Variants in LRRC20 observed in about 807,000 individuals in gnomAD.
LRRC20 encodes the protein leucine-rich repeat-containing protein 20.
A neutral mutation model predicts 14.4 loss-of-function variants in LRRC20; 11 were observed. The ratio of observed to expected loss-of-function variants is 0.77; its 90% CI spans 0.48 to 1.27. LRRC20 has a LOEUF of 1.27. LRRC20 is among the 50% of genes most tolerant of loss of function. The probability of loss-of-function intolerance (pLI) is 0.00; values close to 1 mark genes in which losing one functional copy is unlikely to be tolerated. For missense variants in LRRC20, 219 were observed against 251.2 expected (o/e 0.87, Z 0.87); for synonymous variants, 121 against 107.3 (o/e 1.13, Z -0.79).
At chr10:70,337,227 G>C (rs1842748607) in intron 3 of LRRC20, among the ~76,000 whole-genome samples, 2 of 152,128 alleles carry the variant, frequency 1.3e-5, no homozygotes, top group African/African-American at 4.8e-5. Flanking sequence ...AGCTCAGCCA[G>C]GCCTATTTAA....
At chr10:70,369,289 C>A (rs1844167019) in intron 2 of LRRC20, among the ~76,000 whole-genome samples, 1 of 152,122 alleles carries the variant, frequency 6.6e-6, no homozygotes, top group Non-Finnish European at 1.5e-5. Flanking sequence ...ATCCCCACCC[C>A]CATCCCTCGG....
chr10:70,368,124 C>T (rs1211480296), intron 2 of LRRC20, among the ~76,000 whole-genome samples: 1 of 148,746 alleles, frequency 6.7e-6, no homozygotes, highest in Admixed American at 6.8e-5. Flanking sequence ...GCTGAGACTA[C>T]AGGCATGCAT....
At chr10:70,357,308 T>C (rs554083564) in intron 2 of LRRC20, among the ~76,000 whole-genome samples, 245 of 152,322 alleles carry the variant, frequency 1.6e-3, no homozygotes, top group Middle Eastern at 3.4e-3. Flanking sequence ...CTTGTGAATA[T>C]ACAAATAAAT....
intron 4 of LRRC20, among the ~76,000 whole-genome samples, chr10:70,311,619 G>A (rs902507038): frequency 6.6e-6 from 1 of 152,192 alleles, no homozygotes; most frequent in East Asian, 1.9e-4. Context: ...TAGAATGTAG[G>A]ATGTGAGGTT....
In LRRC20 at chr10:70,300,668, A is replaced by G; in HGVS notation, c.*686T>C. The G allele has an allele frequency of 1.0e-6, 1 of 985,630 alleles. No homozygotes were observed. 61.1% of individuals were successfully genotyped at this position (985,630 alleles called of 1,614,324 possible). On this transcript the variant is annotated 3_prime_UTR_variant, in exon 5 of 5. Transcript: ENST00000446961. ...CAATTTGTTAACTGTGGGGAATGAC[A>G]GAGCTGACGTGACTTGCTCCCCATT...
chr10:70,368,002 G>GTTATGTT (rs1279721419), intron 2 of LRRC20, among the ~76,000 whole-genome samples: 29 of 149,668 alleles, frequency 1.9e-4, no homozygotes, highest in East Asian at 3.9e-4. Flanking sequence ...GTTATTTTTT[G>GTTATGTT]AGATGGAGTC....
chr10:70,330,018 C>T (rs999109836), intron 3 of LRRC20, among the ~76,000 whole-genome samples: 9 of 152,190 alleles, frequency 5.9e-5, no homozygotes, highest in Admixed American at 5.9e-4. Flanking sequence ...GAGAATCTTT[C>T]CATCTGTGTT....
chr10:70,355,352 G>C (rs1162242395), intron 2 of LRRC20, among the ~76,000 whole-genome samples: 1 of 152,142 alleles, frequency 6.6e-6, no homozygotes, highest in Non-Finnish European at 1.5e-5. Context: ...GTCTTTGGGG[G>C]TGTTTTACTC....
At chr10:70,341,183 G>A (rs1372579563) in intron 2 of LRRC20, among the ~76,000 whole-genome samples, 8 of 152,192 alleles carry the variant, frequency 5.3e-5, no homozygotes, top group Non-Finnish European at 7.3e-5. Flanking sequence ...GGCAAGCCTC[G>A]TACAAGCAGC....
rs377622103 is a variant in LRRC20, at chr10:70,301,381, C to T, written c.528G>A (p.Pro176=). The T allele has an allele frequency of 5.7e-5, 92 of 1,613,610 alleles. No individual in the cohort carries two copies. Among genetic ancestry groups the T allele is most frequent in the African/African-American group, 2.3e-4 (17 of 75,070 alleles). ...AAGGTAGGGGGGCTCTTGCGCCTTC[C>T]GGAGACATGAGCATGTCAAACTTGA... The part of the protein sequence containing the change: ...PLIKFDMLMS[P]EGARAPLP Residue 176 remains proline (P), a synonymous_variant, in exon 5 of 5, where the codon CCG becomes CCA. Transcript: ENST00000446961.
At chr10:70,364,146 C>G (rs1843871633) in intron 2 of LRRC20, among the ~76,000 whole-genome samples, 2 of 152,198 alleles carry the variant, frequency 1.3e-5, no homozygotes, top group African/African-American at 4.8e-5. Flanking sequence ...CCTCAGGACT[C>G]GCCAGGCCAG....
chr10:70,343,540 A>G (rs918591243), intron 2 of LRRC20, among the ~76,000 whole-genome samples: 1 of 152,196 alleles, frequency 6.6e-6, no homozygotes, highest in Non-Finnish European at 1.5e-5. Flanking sequence ...GGCAGGAGAG[A>G]CTGCTAAATC....
intron 4 of LRRC20, among the ~76,000 whole-genome samples, chr10:70,321,418 G>A (rs186721614): frequency 6.6e-6 from 1 of 152,192 alleles, no homozygotes; most frequent in East Asian, 1.9e-4. Flanking sequence ...CTGCTGGTTT[G>A]GGAGTTGAGA....
intron 2 of LRRC20, among the ~76,000 whole-genome samples, chr10:70,347,110 T>G (rs1843101067): frequency 6.6e-6 from 1 of 152,200 alleles, no homozygotes. Context: ...GGTCTTGAAC[T>G]CCTGGCCTCA....
At chr10:70,303,967 T>G (rs2136855274) in intron 4 of LRRC20, among the ~76,000 whole-genome samples, 1 of 152,330 alleles carries the variant, frequency 6.6e-6, no homozygotes, top group Non-Finnish European at 1.5e-5. Context: ...TGCCAATGAA[T>G]TATACACTTT....
At chr10:70,328,666 C>T (rs1439603152) in intron 3 of LRRC20, among the ~76,000 whole-genome samples, 5 of 152,152 alleles carry the variant, frequency 3.3e-5, no homozygotes, top group Non-Finnish European at 7.3e-5. Context: ...GCCTGTAATC[C>T]CAGCACTTTG....
In LRRC20 at chr10:70,355,796, C is replaced by A. The variant is rs149941663; in HGVS notation, c.83-15094G>T. On this transcript the variant is annotated intron_variant, in intron 2 of 4. Transcript: ENST00000446961. The stretch of plus-strand genomic sequence containing the variant: ...CAGTGGAGATGGGTGTTGATGGGGA[C>A]ATAGGGAACAGAGCTAAAGTCCTGC... Among the ~76,000 whole-genome samples the A allele has an allele frequency of 1.5e-3, 229 of 152,210 alleles. 1 individual carries two copies. The highest frequency in any genetic ancestry group is 5.2e-3 in the African/African-American group (216 of 41,536).
intron 2 of LRRC20, among the ~76,000 whole-genome samples, chr10:70,373,347 G>C (rs1021102354): frequency 1.2e-4 from 19 of 152,168 alleles, no homozygotes; most frequent in African/African-American, 3.6e-4. Flanking sequence ...CCTTAGCATG[G>C]AGCCTGTGTG....
intron 1 of LRRC20, among the ~76,000 whole-genome samples, chr10:70,382,102 G>C (rs775383244): frequency 6.6e-6 from 1 of 152,214 alleles, no homozygotes; most frequent in South Asian, 2.1e-4. Flanking sequence ...CTGCCCGGAG[G>C]CCGAGAGGCA....
Sources: gnomAD v4.1 joint callset for allele counts (sites outside exome capture counted in the v4.1 genomes callset) on GRCh38, gnomAD v4.1.1 for gene constraint, MANE v1.5 for transcripts, NCBI Gene and HGNC (gene_info 2026-07-23, HGNC 2026-07-21) for gene names.